PTPRZ1: variants seen among roughly 807,000 people sequenced by gnomAD.
The protein encoded by PTPRZ1 is receptor-type tyrosine-protein phosphatase zeta.
PTPRZ1 carries 82 observed loss-of-function variants against 214.1 expected under a neutral mutation model. The ratio of observed to expected loss-of-function variants is 0.38; its 90% CI spans 0.32 to 0.46. The LOEUF (loss-of-function observed/expected upper bound fraction) is 0.46, where lower values mean the gene tolerates loss of function less well. Among genes scored for constraint, PTPRZ1 ranks in the 20% least tolerant of loss-of-function variants. PTPRZ1 has a pLI of 1.00. For missense variants in PTPRZ1, 2,603 were observed against 2,748.7 expected, an observed-to-expected ratio of 0.95 and a Z score of 1.19; for synonymous variants, 945 against 987.9, an observed-to-expected ratio of 0.96 and a Z score of 0.81.
chr7:121,878,281 T>G (rs1794122651), intron 1 of PTPRZ1, among the ~76,000 whole-genome samples: 1 of 152,230 alleles, frequency 6.6e-6, no homozygotes, highest in Non-Finnish European at 1.5e-5. Flanking sequence ...GTAATCTGTG[T>G]GGCTAGTGGC....
intron 1 of PTPRZ1, among the ~76,000 whole-genome samples, chr7:121,910,131 AAC>A (rs1795227535): frequency 6.6e-6 from 1 of 152,048 alleles, no homozygotes; most frequent in African/African-American, 2.4e-5. Flanking sequence ...CTGTTTTTCC[AAC>A]ACATGGGGCT....
rs375424431 is a variant in PTPRZ1 at position 122,013,353 on chromosome 7, G to T, written c.4307G>T (p.Gly1436Val). 8 of 1,614,048 alleles carry T rather than the reference G, an allele frequency of 5.0e-6. No homozygotes were observed. Among genetic ancestry groups the T allele is most frequent in the East Asian group, 2.2e-5 (1 of 44,868 alleles). ...GATGATGATGACAGAGGTAGTGATG[G>T]CTTATCCATTCATAAGTGTATGTCA... Reference protein sequence around the residue: ...DDDDDDRGSDGLSIHKCMSCS... With the variant: ...DDDDDDRGSDVLSIHKCMSCS... The change falls in exon 12 of 30, where the codon GGC (glycine) becomes GTC (valine). Residue 1436 changes from glycine to valine, a missense_variant. By Grantham distance (109) the Gly-to-Val change is moderately radical. Coordinates refer to ENST00000393386, the MANE Select transcript of PTPRZ1 (RefSeq NM_002851.3).
chr7:121,934,055 C>T (rs1335017488), intron 2 of PTPRZ1, among the ~76,000 whole-genome samples: 1 of 152,062 alleles, frequency 6.6e-6, no homozygotes, highest in Non-Finnish European at 1.5e-5. Flanking sequence ...GATATATACT[C>T]TACCCTGTTG....
intron 2 of PTPRZ1, among the ~76,000 whole-genome samples, chr7:121,954,275 GA>G (rs1373600162): frequency 6.6e-6 from 1 of 151,968 alleles, no homozygotes; most frequent in East Asian, 1.9e-4. Flanking sequence ...TAGCTTACTG[GA>G]AAAATTTTAA....
chr7:121,999,210 TTA>T (rs528482603), intron 10 of PTPRZ1, among the ~76,000 whole-genome samples: 57 of 152,358 alleles, frequency 3.7e-4, no homozygotes, highest in Non-Finnish European at 7.4e-4. Flanking sequence ...TTAGTATTTC[TTA>T]TGACCTGCCT....
intron 23 of PTPRZ1, among the ~76,000 whole-genome samples, chr7:122,045,079 G>C (rs976123052): frequency 2.6e-5 from 4 of 152,146 alleles, no homozygotes; most frequent in African/African-American, 7.2e-5. Context: ...CCAGAGACAA[G>C]AGCATGTTTT....
At chr7:122,053,831 T>G in intron 25 of PTPRZ1, 79 bp from the exon 26 acceptor site, 1 of 1,518,916 alleles carries the variant, frequency 6.6e-7, no homozygotes, top group Non-Finnish European at 9.0e-7. Flanking sequence ...TGACTTAAGG[T>G]CCATTGATGT....
At chr7:122,048,879 G>A (rs1792082328) in intron 23 of PTPRZ1, among the ~76,000 whole-genome samples, 1 of 152,012 alleles carries the variant, frequency 6.6e-6, no homozygotes, top group Non-Finnish European at 1.5e-5. Flanking sequence ...CTATTTTATT[G>A]GACAAATATA....
At chr7:121,998,056 T>C (rs750005374) in intron 10 of PTPRZ1, 50 bp downstream of exon 10, 1 of 1,559,542 alleles carries the variant, frequency 6.4e-7, no homozygotes, top group Non-Finnish European at 8.7e-7. Context: ...ATGAGGTTAG[T>C]TTAATTACTG....
chr7:122,001,337 T>A (rs573353967), intron 10 of PTPRZ1, among the ~76,000 whole-genome samples: 50 of 152,352 alleles, frequency 3.3e-4, no homozygotes, highest in African/African-American at 1.2e-3. Flanking sequence ...GTTACTAAGA[T>A]AATTATGTTT....
chr7:121,995,860 A>T (rs187799125), intron 8 of PTPRZ1, among the ~76,000 whole-genome samples: 2 of 152,188 alleles, frequency 1.3e-5, no homozygotes, highest in Admixed American at 6.5e-5. Flanking sequence ...ATTTTCAGGT[A>T]CCAAACAAGA....
chr7:122,009,127 C>T (rs1798571705), intron 11 of PTPRZ1, among the ~76,000 whole-genome samples: 1 of 152,004 alleles, frequency 6.6e-6, no homozygotes, highest in African/African-American at 2.4e-5. Context: ...ATCAAGTGCA[C>T]TAACTTCCTA....
chr7:121,943,102 C>T (rs1796275229), intron 2 of PTPRZ1, among the ~76,000 whole-genome samples: 1 of 151,978 alleles, frequency 6.6e-6, no homozygotes, highest in Non-Finnish European at 1.5e-5. Context: ...TCTATGCATG[C>T]CGGCTCATAG....
chr7:121,991,177 G>A (rs1182333302), intron 8 of PTPRZ1, among the ~76,000 whole-genome samples: 3 of 152,316 alleles, frequency 2.0e-5, no homozygotes, highest in Middle Eastern at 3.4e-3. Flanking sequence ...GGGTTGTGGT[G>A]AGGTTTAAAT....
chr7:121,879,966 C>T (rs947595394), intron 1 of PTPRZ1, among the ~76,000 whole-genome samples: 3 of 152,126 alleles, frequency 2.0e-5, no homozygotes, highest in African/African-American at 7.2e-5. Flanking sequence ...TAAGTTTGCT[C>T]AGCACCTTGA....
intron 2 of PTPRZ1, among the ~76,000 whole-genome samples, chr7:121,955,407 C>T (rs1796672324): frequency 6.6e-6 from 1 of 151,142 alleles, no homozygotes; most frequent in Admixed American, 6.6e-5. Context: ...TTTCCCAAAC[C>T]AGGGGGTAAT....
intron 1 of PTPRZ1, among the ~76,000 whole-genome samples, chr7:121,922,687 A>G (rs1437686816): frequency 6.6e-6 from 1 of 152,196 alleles, no homozygotes; most frequent in Non-Finnish European, 1.5e-5. Context: ...GTCACTATCA[A>G]CCGTTGTTTA....
At position 122,010,334 on chromosome 7, in the gene PTPRZ1, G is replaced by C; in HGVS notation, c.1288G>C (p.Glu430Gln). 1 of 1,595,190 alleles carries C rather than the reference G, an allele frequency of 6.3e-7. No individual in the cohort carries two copies. The highest frequency in any genetic ancestry group is 8.5e-7 in the Non-Finnish European group (1 of 1,173,910). Reference sequence around the variant, plus strand: ...ATTAAATCTTGTTTGCTTTTCAAAGGAGGAGGAAGAGGGAAAAGACATTGA... The same window carrying C: ...ATTAAATCTTGTTTGCTTTTCAAAGCAGGAGGAAGAGGGAAAAGACATTGA... ...ELIGTEEIIK[E>Q]EEEGKDIEEG... The change falls in exon 12 of 30, where the codon GAG becomes CAG. Residue 430 changes from glutamate to glutamine, a missense_variant and splice_region_variant. Glu to Gln is a conservative substitution (Grantham distance 29). This residue lies in a region of PTPRZ1 where 1,913 missense variants were observed against 1,914.3 expected (regional missense o/e 1.00). Coordinates refer to ENST00000393386, the MANE Select transcript of PTPRZ1 (RefSeq NM_002851.3).
intron 2 of PTPRZ1, among the ~76,000 whole-genome samples, chr7:121,960,573 T>A (rs887582401): frequency 1.6e-4 from 25 of 152,180 alleles, no homozygotes; most frequent in African/African-American, 5.5e-4. Flanking sequence ...CTGAATAACT[T>A]ACAAACAATT....
Sources: allele counts gnomAD v4.1 joint callset (sites outside exome capture counted in the v4.1 genomes callset), GRCh38; gene constraint gnomAD v4.1.1; regional missense constraint gnomAD v4.1.1; transcripts MANE v1.5; gene names NCBI Gene and HGNC (gene_info 2026-07-23, HGNC 2026-07-21).